SERGEF: variants seen among roughly 807,000 people sequenced by gnomAD.
SERGEF encodes the protein secretion regulating guanine nucleotide exchange factor.
In SERGEF, 51 loss-of-function variants were observed where a neutral mutation model predicts 50.0. The observed-to-expected ratio is 1.02, with a 90% CI of 0.81 to 1.29. The LOEUF (loss-of-function observed/expected upper bound fraction) is 1.29, where lower values mean the gene tolerates loss of function less well. SERGEF is among the 50% of genes most tolerant of loss of function. The pLI, the probability that SERGEF is intolerant of heterozygous loss-of-function variation, is 0.00. For missense variants in SERGEF, 521 were observed against 557.0 expected (o/e 0.94, Z 0.65); for synonymous variants, 205 against 212.4 (o/e 0.97, Z 0.30).
chr11:17,896,516 C>T (rs1226868842), intron 9 of SERGEF, among the ~76,000 whole-genome samples: 1 of 144,108 alleles, frequency 6.9e-6, no homozygotes, highest in African/African-American at 2.6e-5. Flanking sequence ...TGAGTGTTTT[C>T]AGTCTGGAGA....
At chr11:17,788,770 C>T (rs758349753) in intron 10 of SERGEF, among the ~76,000 whole-genome samples, 1 of 152,252 alleles carries the variant, frequency 6.6e-6, no homozygotes, top group African/African-American at 2.4e-5. Context: ...TTTCCATCTC[C>T]TCAGCCAGCT....
intron 10 of SERGEF, among the ~76,000 whole-genome samples, chr11:17,828,444 A>G (rs751512088): frequency 8.5e-5 from 13 of 152,136 alleles, no homozygotes; most frequent in Non-Finnish European, 1.6e-4. Flanking sequence ...AGCTGGAGTC[A>G]GCTGGGCTCT....
At chr11:17,829,382 G>A (rs1309499865) in intron 10 of SERGEF, among the ~76,000 whole-genome samples, 1 of 152,170 alleles carries the variant, frequency 6.6e-6, no homozygotes, top group African/African-American at 2.4e-5. Context: ...CTCCCTCCCT[G>A]CCTCTGGTTT....
chr11:17,891,749 C>T (rs1167251042), intron 9 of SERGEF, among the ~76,000 whole-genome samples: 1 of 152,150 alleles, frequency 6.6e-6, no homozygotes, highest in Non-Finnish European at 1.5e-5. Context: ...CAGAGCTATT[C>T]TAAAACAGAG....
At chr11:17,864,457 G>A (rs1850985631) in intron 10 of SERGEF, among the ~76,000 whole-genome samples, 1 of 152,188 alleles carries the variant, frequency 6.6e-6, no homozygotes, top group South Asian at 2.1e-4. Flanking sequence ...GCTATGCCTT[G>A]AAAATGTATG....
chr11:17,836,046 G>A (rs763215398), intron 10 of SERGEF, among the ~76,000 whole-genome samples: 2 of 152,190 alleles, frequency 1.3e-5, no homozygotes, highest in Non-Finnish European at 2.9e-5. Flanking sequence ...ATGGTTGACT[G>A]GTTAGGTAGA....
chr11:17,896,428 T>C (rs1404423208), intron 9 of SERGEF, among the ~76,000 whole-genome samples: 1 of 151,766 alleles, frequency 6.6e-6, no homozygotes, highest in East Asian at 1.9e-4. Flanking sequence ...GCAATTTAAA[T>C]CAAATTATGG....
chr11:17,875,774 T>C (rs970507945), intron 10 of SERGEF, among the ~76,000 whole-genome samples: 1 of 152,246 alleles, frequency 6.6e-6, no homozygotes, highest in Non-Finnish European at 1.5e-5. Context: ...TCATCAGACA[T>C]TAAGGTTGCT....
At chr11:17,865,460 G>A (rs1174387279) in intron 10 of SERGEF, among the ~76,000 whole-genome samples, 2 of 152,042 alleles carry the variant, frequency 1.3e-5, no homozygotes, top group Admixed American at 1.3e-4. Context: ...TACAGAAGAA[G>A]GCATTGTTAC....
rs571834507 is a variant in SERGEF at position 17,806,388 on chromosome 11, G to C, written c.1049-17975C>G. Among the ~76,000 whole-genome samples the C allele has an allele frequency of 1.9e-4, 29 of 152,290 alleles. No homozygotes were observed. In the South Asian group the frequency reaches 3.5e-3, roughly 19 times the overall value. On this transcript the variant is annotated intron_variant, in intron 10 of 10. Transcript: ENST00000265965. ...CTTACCATATATCAAGAACTATGCT[G>C]TACTATTTCTGTTATCTCATTTCAC...
intron 10 of SERGEF, among the ~76,000 whole-genome samples, chr11:17,872,223 T>C (rs536599270): frequency 1.3e-5 from 2 of 152,082 alleles, no homozygotes; most frequent in South Asian, 4.2e-4. Flanking sequence ...GGGTGGGTTA[T>C]AGACAGAGAT....
chr11:17,861,589 C>T (rs1850927440), intron 10 of SERGEF, among the ~76,000 whole-genome samples: 1 of 152,226 alleles, frequency 6.6e-6, no homozygotes, highest in South Asian at 2.1e-4. Context: ...AGTCAAAGAG[C>T]CTGATACACT....
At chr11:17,849,377 T>G (rs1468483243) in intron 10 of SERGEF, among the ~76,000 whole-genome samples, 1 of 152,232 alleles carries the variant, frequency 6.6e-6, no homozygotes, top group Non-Finnish European at 1.5e-5. Context: ...ATACTTACTT[T>G]ATTGCTTTGC....
intron 9 of SERGEF, among the ~76,000 whole-genome samples, chr11:17,897,908 C>T (rs1387294466): frequency 6.6e-6 from 1 of 152,086 alleles, no homozygotes; most frequent in African/African-American, 2.4e-5. Flanking sequence ...GACTAAGGAC[C>T]CCATTAACCC....
intron 9 of SERGEF, among the ~76,000 whole-genome samples, chr11:17,930,462 T>C (rs1852331189): frequency 6.6e-6 from 1 of 152,074 alleles, no homozygotes; most frequent in South Asian, 2.1e-4. Flanking sequence ...CAAGGTACAA[T>C]ACTAGGCCCA....
intron 4 of SERGEF, chr11:18,002,084 T>A (rs887489725): frequency 6.6e-6 from 3 of 454,666 alleles, no homozygotes; most frequent in African/African-American, 6.0e-5. Flanking sequence ...ACAATCACAT[T>A]AGCTTACGAG....
intron 10 of SERGEF, among the ~76,000 whole-genome samples, chr11:17,816,733 G>A (rs1849981571): frequency 6.6e-6 from 1 of 152,190 alleles, no homozygotes; most frequent in African/African-American, 2.4e-5. Context: ...AATCTGTCCT[G>A]CAGAGTCTTG....
At chr11:17,807,332 C>G (rs901059444) in intron 10 of SERGEF, among the ~76,000 whole-genome samples, 13 of 63,756 alleles carry the variant, frequency 2.0e-4, no homozygotes, top group African/African-American at 4.6e-4. Flanking sequence ...AAGAACTCCC[C>G]CCCCACAAAA....
At chr11:17,863,541 G>T (rs1225769449) in intron 10 of SERGEF, 1 of 152,196 alleles carries the variant, frequency 6.6e-6, no homozygotes, top group Non-Finnish European at 1.5e-5. Context: ...CTTCCATAAG[G>T]ATTTCCAAAA....
Sources: gnomAD v4.1 joint callset for allele counts (sites outside exome capture counted in the v4.1 genomes callset) on GRCh38, gnomAD v4.1.1 for gene constraint, MANE v1.5 for transcripts, NCBI Gene and HGNC (gene_info 2026-07-23, HGNC 2026-07-21) for gene names.